The following LEF1 variants were observed in gnomAD, a reference collection of about 807,000 sequenced individuals.
LEF1 encodes the protein lymphoid enhancer-binding factor 1.
In LEF1, 14 loss-of-function variants were observed where a neutral mutation model predicts 51.2. The observed-to-expected ratio is 0.27, with a 90% CI of 0.18 to 0.43. The LOEUF (loss-of-function observed/expected upper bound fraction) is 0.43. Ranked by LOEUF, LEF1 falls within the 20% of genes least tolerant of loss-of-function variation. The pLI is 1.00. For synonymous variants in LEF1, 185 were observed against 183.2 expected (o/e 1.01, Z -0.08); for missense variants, 386 against 512.0 (o/e 0.75, Z 2.37).
intron 8 of LEF1, chr4:108,075,554 T>C (rs1252710888): frequency 6.6e-6 from 1 of 152,130 alleles, no homozygotes; most frequent in African/African-American, 2.4e-5. Flanking sequence ...ATCAACAAAT[T>C]AAGATGAAAC....
intron 3 of LEF1, among the ~76,000 whole-genome samples, chr4:108,155,722 T>C (rs1476207209): frequency 6.6e-6 from 1 of 152,190 alleles, no homozygotes; most frequent in Non-Finnish European, 1.5e-5. Flanking sequence ...AAGCCCGATA[T>C]TAATATGCCA....
rs1313873559 is a variant in LEF1 at position 108,064,686 on chromosome 4, CACACACAAT to C, written c.1117-311_1117-303del. Among the ~76,000 whole-genome samples, 491 of 19,450 alleles carry C rather than the reference CACACACAAT, an allele frequency of 0.025. 6 individuals are homozygous for C. The East Asian group carries it at 0.38, about 15-fold the overall frequency. 12.8% of individuals were successfully genotyped at this position (19,450 alleles called of 152,430 possible). A position where few individuals can be genotyped will look rare whatever the true frequency, so the allele number is the denominator to read the frequency against. The stretch of plus-strand genomic sequence containing the variant: ...ACACACACACACACACACACACACA[CACACACAAT>C]GATGTCTTAGAGCTGTGGCCATAGA... On this transcript the variant is annotated intron_variant, in intron 9 of 11. Transcript: ENST00000265165.
At chr4:108,096,323 A>G (rs1740389935) in intron 3 of LEF1, among the ~76,000 whole-genome samples, 1 of 152,194 alleles carries the variant, frequency 6.6e-6, no homozygotes, top group South Asian at 2.1e-4. Flanking sequence ...CACTAGCTGT[A>G]GTGGTGCAAG....
At chr4:108,083,682 A>G (rs1381158984) in intron 4 of LEF1, among the ~76,000 whole-genome samples, 2 of 152,232 alleles carry the variant, frequency 1.3e-5, no homozygotes, top group Admixed American at 1.3e-4. Flanking sequence ...AGATGCTGCT[A>G]GTAATACAAT....
intron 3 of LEF1, among the ~76,000 whole-genome samples, chr4:108,121,046 G>T (rs1427981465): frequency 6.6e-6 from 1 of 152,170 alleles, no homozygotes; most frequent in African/African-American, 2.4e-5. Flanking sequence ...ATGGCACTTT[G>T]CCACATTGTA....
intron 3 of LEF1, among the ~76,000 whole-genome samples, chr4:108,129,116 C>T (rs1348543452): frequency 6.6e-6 from 1 of 152,138 alleles, no homozygotes; most frequent in Non-Finnish European, 1.5e-5. Flanking sequence ...CCTCAAACTC[C>T]TCTCATTACT....
At chr4:108,163,535 G>A (rs781373200) in intron 3 of LEF1, 33 bp downstream of exon 3, 1 of 1,602,980 alleles carries the variant, frequency 6.2e-7, no homozygotes, top group South Asian at 1.1e-5. Context: ...TTGCACTTCT[G>A]AACATAATTT....
intron 9 of LEF1, among the ~76,000 whole-genome samples, chr4:108,067,071 T>C (rs1738128283): frequency 6.6e-6 from 1 of 152,254 alleles, no homozygotes; most frequent in Non-Finnish European, 1.5e-5. Context: ...TAAAGAACAG[T>C]ATCTTTAGAT....
At chr4:108,137,700 T>C (rs1743388188) in intron 3 of LEF1, among the ~76,000 whole-genome samples, 1 of 152,166 alleles carries the variant, frequency 6.6e-6, no homozygotes, top group African/African-American at 2.4e-5. Context: ...TCCCTGAATA[T>C]TATAAATTTT....
intron 11 of LEF1, among the ~76,000 whole-genome samples, chr4:108,051,687 T>C (rs1156611859): frequency 1.3e-5 from 2 of 152,280 alleles, no homozygotes; most frequent in Non-Finnish European, 2.9e-5. Flanking sequence ...ACCACGCATT[T>C]GTACTGGGGA....
Position 108,048,518 on chromosome 4 carries a change from C to T in LEF1, c.*240G>A. Reference sequence around the variant, plus strand: ...TTTCCTTTTAAAAAACCTTTTTATGCTTTATTTTGGAACTTGGCTCTTGCA... The same window carrying T: ...TTTCCTTTTAAAAAACCTTTTTATGTTTTATTTTGGAACTTGGCTCTTGCA... On this transcript the variant is annotated 3_prime_UTR_variant, in exon 12 of 12. Coordinates refer to ENST00000265165, the MANE Select transcript of LEF1 (RefSeq NM_016269.5). 6.6e-6 allele frequency: 3 copies of T among 452,904 alleles called. No individual in the cohort carries two copies. In the South Asian group the frequency reaches 2.3e-4, roughly 35 times the overall value. 28.1% of individuals were successfully genotyped at this position (452,904 alleles called of 1,614,324 possible). A position where few individuals can be genotyped will look rare whatever the true frequency, so the allele number is the denominator to read the frequency against.
intron 3 of LEF1, among the ~76,000 whole-genome samples, chr4:108,108,735 T>C (rs769383232): frequency 6.6e-6 from 1 of 152,174 alleles, no homozygotes; most frequent in South Asian, 2.1e-4. Flanking sequence ...AAGATACACA[T>C]GCACTGCGTT....
intron 3 of LEF1, among the ~76,000 whole-genome samples, chr4:108,123,432 GT>G (rs34015287): frequency 0.1 from 7,417 of 72,300 alleles, 317 homozygotes; most frequent in African/African-American, 0.14. Flanking sequence ...GCTAGGGTTG[GT>G]TTTTTTTTTT....
At chr4:108,158,990 T>C (rs976046312) in intron 3 of LEF1, among the ~76,000 whole-genome samples, 1 of 152,152 alleles carries the variant, frequency 6.6e-6, no homozygotes, top group Admixed American at 6.5e-5. Flanking sequence ...TGGTCTTTTT[T>C]TTTTAAGACT....
chr4:108,086,335 G>C (rs1018166497), intron 4 of LEF1, among the ~76,000 whole-genome samples: 1 of 152,078 alleles, frequency 6.6e-6, no homozygotes, highest in Admixed American at 6.6e-5. Flanking sequence ...AGCGATCCTT[G>C]CGTCAGCCTC....
At chr4:108,166,284 G>C in intron 1 of LEF1, 1 of 1,536,182 alleles carries the variant, frequency 6.5e-7, no homozygotes. Flanking sequence ...CTGCCATTGG[G>C]ATAGAGAAGG....
intron 3 of LEF1, among the ~76,000 whole-genome samples, chr4:108,111,139 G>T (rs1741508040): frequency 6.6e-6 from 1 of 152,168 alleles, no homozygotes; most frequent in African/African-American, 2.4e-5. Flanking sequence ...AAGGAAGAAA[G>T]AATTATTCAT....
chr4:108,071,002 T>A (rs1738442109), intron 8 of LEF1: 1 of 375,048 alleles, frequency 2.7e-6, no homozygotes, highest in Non-Finnish European at 4.8e-6. Context: ...ATGAAACACA[T>A]CAAAGTCAAT....
intron 8 of LEF1, among the ~76,000 whole-genome samples, chr4:108,074,076 C>T (rs1256050116): frequency 6.6e-6 from 1 of 152,136 alleles, no homozygotes; most frequent in Non-Finnish European, 1.5e-5. Context: ...AAATGACTCA[C>T]AAATAGAAGA....
Sources: gnomAD v4.1 joint callset for allele counts (sites outside exome capture counted in the v4.1 genomes callset) on GRCh38, gnomAD v4.1.1 for gene constraint, MANE v1.5 for transcripts, NCBI Gene and HGNC (gene_info 2026-07-23, HGNC 2026-07-21) for gene names.